Variants in MYH11 observed in about 807,000 individuals in gnomAD.
MYH11 encodes the protein myosin heavy chain 11.
Under a neutral mutation model 246.6 loss-of-function variants are expected in MYH11, and 80 were observed. The ratio of observed to expected loss-of-function variants is 0.32; its 90% CI spans 0.27 to 0.39. The LOEUF is 0.39. Among genes scored for constraint, MYH11 ranks in the 10% least tolerant of loss-of-function variants. The probability of loss-of-function intolerance (pLI) is 1.00; values close to 1 mark genes in which losing one functional copy is unlikely to be tolerated. For synonymous variants in MYH11, 1,071 were observed against 1,015.5 expected (o/e 1.05, Z -1.04); for missense variants, 2,158 against 2,546.8 (o/e 0.85, Z 3.29).
intron 5 of MYH11, 132 bp from the exon 6 acceptor site, chr16:15,782,609 C>T (rs2042383132): frequency 4.3e-6 from 3 of 702,708 alleles, no homozygotes; most frequent in Non-Finnish European, 7.7e-6. Flanking sequence ...CCTCTTAGAC[C>T]CTGATGCTAA....
intron 3 of MYH11, among the ~76,000 whole-genome samples, chr16:15,820,944 C>T (rs888200197): frequency 6.6e-6 from 1 of 152,200 alleles, no homozygotes; most frequent in Admixed American, 6.5e-5. Flanking sequence ...GTGATCTCGG[C>T]TCACTGCAAC....
At chr16:15,745,755 T>C (rs1446142874) in intron 19 of MYH11, among the ~76,000 whole-genome samples, 1 of 151,820 alleles carries the variant, frequency 6.6e-6, no homozygotes, top group African/African-American at 2.4e-5. Context: ...GCCTGGCTAA[T>C]TTTTGTATTT....
chr16:15,759,751 C>T (rs768655716), intron 11 of MYH11, 23 bp from the exon 12 acceptor site: 1 of 1,613,388 alleles, frequency 6.2e-7, no homozygotes, highest in Non-Finnish European at 8.5e-7. Context: ...ACCAGGGGAA[C>T]CCGGTTATTC....
intron 27 of MYH11, among the ~76,000 whole-genome samples, chr16:15,727,821 C>G (rs898903630): frequency 6.6e-6 from 1 of 151,906 alleles, no homozygotes; most frequent in African/African-American, 2.4e-5. Flanking sequence ...TAAAATAAAA[C>G]ATTAGCTGGG....
At chr16:15,836,956 C>A (rs2043914443) in intron 2 of MYH11, among the ~76,000 whole-genome samples, 1 of 152,042 alleles carries the variant, frequency 6.6e-6, no homozygotes, top group Non-Finnish European at 1.5e-5. Flanking sequence ...AACTCCTGAC[C>A]TCAAGTGATC....
chr16:15,798,706 A>G lies in MYH11; in HGVS notation c.503-19T>C, dbSNP rs779319719. On this transcript the variant is annotated intron_variant, in intron 3 of 40. Coordinates refer to ENST00000300036, the MANE Select transcript of MYH11 (RefSeq NM_002474.3). ...TCCCGATCTGCAAACAGAAAGAAGA[A>G]AAAAGAGCCATGAATTAAAATGAGC... 1.2e-6 allele frequency: 2 copies of G among 1,613,502 alleles called. No individual in the cohort carries two copies. The highest frequency in any genetic ancestry group is 1.7e-6 in the Non-Finnish European group (2 of 1,179,690).
At chr16:15,834,598 T>C (rs1398204905) in intron 2 of MYH11, among the ~76,000 whole-genome samples, 21 of 151,854 alleles carry the variant, frequency 1.4e-4, no homozygotes, top group Non-Finnish European at 2.9e-4. Flanking sequence ...TCAATAATTT[T>C]TCCATACAAA....
intron 32 of MYH11, 125 bp downstream of exon 32, chr16:15,721,294 ACCT>A (rs1398491694): frequency 3.1e-5 from 36 of 1,174,228 alleles, no homozygotes; most frequent in South Asian, 2.4e-4. Flanking sequence ...CAGTCCAAAA[ACCT>A]CCTTCCATTT....
chr16:15,841,848 C>T (rs2044060568), intron 1 of MYH11, among the ~76,000 whole-genome samples: 1 of 152,180 alleles, frequency 6.6e-6, no homozygotes, highest in African/African-American at 2.4e-5. Flanking sequence ...GTTGACATCC[C>T]TCCTTCAGCA....
intron 2 of MYH11, 125 bp downstream of exon 2, chr16:15,837,783 C>T (rs2043937912): frequency 4.8e-6 from 4 of 834,490 alleles, no homozygotes; most frequent in African/African-American, 1.7e-5. Context: ...GATCTGCCCA[C>T]CTCGGCCTCC....
intron 22 of MYH11, among the ~76,000 whole-genome samples, chr16:15,740,624 A>AT (rs2041248332): frequency 2.7e-5 from 4 of 150,868 alleles, no homozygotes; most frequent in Admixed American, 2.6e-4. Flanking sequence ...AAAAAAAAAA[A>AT]AATAAAGACC....
intron 25 of MYH11, among the ~76,000 whole-genome samples, chr16:15,736,393 C>T (rs962500865): frequency 9.2e-5 from 14 of 152,172 alleles, no homozygotes; most frequent in Admixed American, 9.2e-4. Flanking sequence ...ATCCTCCCAT[C>T]TCAGCCTCCT....
At chr16:15,718,614 A>G (rs1366421755) in intron 36 of MYH11, 176 bp from the exon 37 acceptor site, 1 of 992,362 alleles carries the variant, frequency 1.0e-6, no homozygotes, top group East Asian at 2.6e-5. Flanking sequence ...GACAGCCGGG[A>G]CTCAGGCCGG....
At chr16:15,728,495 C>T (rs748638774) in intron 27 of MYH11, among the ~76,000 whole-genome samples, 3 of 152,160 alleles carry the variant, frequency 2.0e-5, no homozygotes, top group Non-Finnish European at 2.9e-5. Flanking sequence ...TCACCGCCCC[C>T]GTCCTTCACA....
chr16:15,738,777 T>C (rs184666418), intron 23 of MYH11, 89 bp from the exon 24 acceptor site: 412 of 1,482,696 alleles, frequency 2.8e-4, no homozygotes, highest in Admixed American at 1.1e-3. Context: ...ATGTAAACAG[T>C]TGAAAGAAAA....
chr16:15,759,606 G>A lies in MYH11; in HGVS notation c.1371C>T (p.Ile457=). ...AGATCTCAAATCCAGCTATATCCAG[G>A]ATCCCCAGGAAGGAAGCCCCTTGCC... ...THRQGASFLG[I]LDIAGFEIFE... is the part of the protein sequence containing the mutation. The change falls in exon 12 of 41, where the codon ATC becomes ATT. Residue 457 remains isoleucine, a synonymous_variant. Coordinates refer to ENST00000300036, the MANE Select transcript of MYH11 (RefSeq NM_002474.3). 1.2e-6 allele frequency: 2 copies of A among 1,614,148 alleles called. No individual in the cohort carries two copies. The highest frequency in any genetic ancestry group is 1.7e-6 in the Non-Finnish European group (2 of 1,180,028).
chr16:15,781,918 T>A (rs2042363684), intron 6 of MYH11, among the ~76,000 whole-genome samples: 1 of 152,242 alleles, frequency 6.6e-6, no homozygotes, highest in Admixed American at 6.5e-5. Context: ...CAGTAGGTAC[T>A]TACTAAGTAT....
At chr16:15,788,077 CTTTTT>C (rs1555569336) in intron 4 of MYH11, among the ~76,000 whole-genome samples, 1 of 55,376 alleles carries the variant, frequency 1.8e-5, no homozygotes, top group Admixed American at 2.2e-4. Context: ...GAAGGTAGAT[CTTTTT>C]TTTTTTTTTT....
At chr16:15,732,199 G>C (rs1324396256) in intron 27 of MYH11, among the ~76,000 whole-genome samples, 2 of 152,026 alleles carry the variant, frequency 1.3e-5, no homozygotes, top group Admixed American at 1.3e-4. Context: ...CTGACCTCAG[G>C]TGATCCACCC....
Sources: gnomAD v4.1 joint callset for allele counts (sites outside exome capture counted in the v4.1 genomes callset) on GRCh38, gnomAD v4.1.1 for gene constraint, MANE v1.5 for transcripts, NCBI Gene and HGNC (gene_info 2026-07-23, HGNC 2026-07-21) for gene names.